KCNIP4: variants seen among roughly 807,000 people sequenced by gnomAD.
The protein encoded by KCNIP4 is potassium voltage-gated channel interacting protein 4.
Under a neutral mutation model 34.0 loss-of-function variants are expected in KCNIP4, and 12 were observed. That is an observed-to-expected ratio of 0.35 (90% CI 0.23 to 0.57). The LOEUF (loss-of-function observed/expected upper bound fraction) is 0.57. KCNIP4 is among the 20% of genes least tolerant of loss of function. The pLI is 0.83. For synonymous variants in KCNIP4, 124 were observed against 102.2 expected (o/e 1.21, Z -1.29); for missense variants, 238 against 311.7 (o/e 0.76, Z 1.78).
chr4:21,484,221 G>T (rs1731710167), intron 1 of KCNIP4, among the ~76,000 whole-genome samples: 1 of 152,098 alleles, frequency 6.6e-6, no homozygotes, highest in Non-Finnish European at 1.5e-5. Context: ...GAGGTCAGGA[G>T]TTCAAGACCA....
intron 1 of KCNIP4, among the ~76,000 whole-genome samples, chr4:21,388,342 G>A (rs1170027475): frequency 6.6e-6 from 1 of 151,496 alleles, no homozygotes; most frequent in Non-Finnish European, 1.5e-5. Context: ...CTCTGAATCT[G>A]AATTTTCTAG....
intron 1 of KCNIP4, among the ~76,000 whole-genome samples, chr4:21,490,456 A>G (rs1732293341): frequency 6.6e-6 from 1 of 152,156 alleles, no homozygotes; most frequent in Non-Finnish European, 1.5e-5. Flanking sequence ...CTCTCTTAAC[A>G]AGAGACTTCT....
intron 1 of KCNIP4, among the ~76,000 whole-genome samples, chr4:21,081,784 T>C (rs1203759023): frequency 1.3e-5 from 2 of 151,836 alleles, no homozygotes; most frequent in African/African-American, 2.4e-5. Context: ...ATGAATTCTA[T>C]TGAATAGCTC....
chr4:21,054,759 A>G (rs143654432), intron 1 of KCNIP4, among the ~76,000 whole-genome samples: 4 of 151,874 alleles, frequency 2.6e-5, no homozygotes, highest in African/African-American at 7.2e-5. Context: ...CTCTTCACAA[A>G]ATTAACTAAA....
In KCNIP4 at chr4:21,536,921, A is replaced by AAAG. The variant is rs1737223868; in HGVS notation, c.61+411647_61+411649dup. ...TTGGATCTTGAGCCCTGTTTCTTTCAAAGCCAAAATCTATATTTTATTCTA... is the reference window on the plus strand; with the variant it reads ...TTGGATCTTGAGCCCTGTTTCTTTCAAAGAAGCCAAAATCTATATTTTATTCTA... On this transcript the variant is annotated intron_variant, in intron 1 of 8. Transcript: ENST00000382152. Among the ~76,000 whole-genome samples, 3 of 152,326 alleles carry AAAG rather than the reference A, an allele frequency of 2.0e-5. No homozygotes were observed. In the East Asian group the frequency reaches 5.8e-4, roughly 29 times the overall value.
At chr4:21,594,694 A>C (rs1337027797) in intron 1 of KCNIP4, among the ~76,000 whole-genome samples, 1 of 151,496 alleles carries the variant, frequency 6.6e-6, no homozygotes, top group East Asian at 1.9e-4. Context: ...GCTCAGAGAT[A>C]AAGATAATTT....
chr4:21,115,187 A>C (rs1027687672), intron 1 of KCNIP4, among the ~76,000 whole-genome samples: 5 of 152,116 alleles, frequency 3.3e-5, no homozygotes, highest in Admixed American at 2.6e-4. Context: ...CCCCATGTGC[A>C]TATTAAACTC....
At chr4:20,776,928 C>CA (rs35878274) in intron 3 of KCNIP4, among the ~76,000 whole-genome samples, 8,933 of 151,386 alleles carry the variant, frequency 0.059, 351 homozygotes, top group East Asian at 0.2. Flanking sequence ...AAAACACAGG[C>CA]AAAAAAAATG....
rs146486052 is a variant in KCNIP4, at chr4:21,727,014, T to C, written c.61+221557A>G. Among the ~76,000 whole-genome samples the C allele has an allele frequency of 7.2e-5, 11 of 152,024 alleles. No individual in the cohort carries two copies. The East Asian group carries it at 2.0e-3, about 27-fold the overall frequency. ...TTGGCACTACACAGTGCAAAAATTA[T>C]GGTAATCTGATAACTTATTTCTCAA... On this transcript the variant is annotated intron_variant, in intron 1 of 8. Transcript: ENST00000382152.
At chr4:21,893,377 C>A (rs1342299527) in intron 1 of KCNIP4, among the ~76,000 whole-genome samples, 1 of 152,156 alleles carries the variant, frequency 6.6e-6, no homozygotes, top group Non-Finnish European at 1.5e-5. Flanking sequence ...TTTCTTCTGA[C>A]ATCCTTTTCA....
chr4:21,523,065 C>T (rs1052626839), intron 1 of KCNIP4, among the ~76,000 whole-genome samples: 5 of 152,022 alleles, frequency 3.3e-5, no homozygotes, highest in African/African-American at 9.7e-5. Flanking sequence ...TATTCACCAA[C>T]TGCAGAGAGC....
At chr4:21,683,861 C>T (rs1750598107) in intron 1 of KCNIP4, among the ~76,000 whole-genome samples, 1 of 152,070 alleles carries the variant, frequency 6.6e-6, no homozygotes, top group Non-Finnish European at 1.5e-5. Context: ...ACCTGTGGTG[C>T]ATACACATTG....
At chr4:20,945,595 G>A (rs1560590585) in intron 1 of KCNIP4, among the ~76,000 whole-genome samples, 1 of 152,210 alleles carries the variant, frequency 6.6e-6, no homozygotes, top group East Asian at 1.9e-4. Flanking sequence ...GTGTGTGAGT[G>A]TGTGTGTGAG....
At chr4:20,837,686 A>ATATATATATATTTTTTT (rs1350419753) in intron 3 of KCNIP4, among the ~76,000 whole-genome samples, 1 of 117,400 alleles carries the variant, frequency 8.5e-6, no homozygotes, top group African/African-American at 3.4e-5. Context: ...ATATATATAT[A>ATATATATATATTTTTTT]TTTTTTTTTC....
At chr4:20,863,187 A>G (rs1415191067) in intron 2 of KCNIP4, among the ~76,000 whole-genome samples, 1 of 152,062 alleles carries the variant, frequency 6.6e-6, no homozygotes, top group Non-Finnish European at 1.5e-5. Context: ...GAGCATTTAG[A>G]GGTAGGAGTT....
chr4:20,881,106 C>T (rs1436151213), intron 2 of KCNIP4, among the ~76,000 whole-genome samples: 1 of 152,076 alleles, frequency 6.6e-6, no homozygotes, highest in Non-Finnish European at 1.5e-5. Flanking sequence ...CTCCATCTCC[C>T]AGCACAAGAA....
chr4:21,612,166 A>T (rs768369051), intron 1 of KCNIP4, among the ~76,000 whole-genome samples: 1 of 152,100 alleles, frequency 6.6e-6, no homozygotes, highest in Non-Finnish European at 1.5e-5. Flanking sequence ...TAAAAAAAGG[A>T]GGTTTTTCTG....
chr4:21,403,432 C>T (rs1407562737), intron 1 of KCNIP4, among the ~76,000 whole-genome samples: 1 of 152,182 alleles, frequency 6.6e-6, no homozygotes, highest in Non-Finnish European at 1.5e-5. Flanking sequence ...GTTTTGCCAC[C>T]TACAGTCTAG....
At chr4:21,935,675 C>A (rs1276054956) in intron 1 of KCNIP4, among the ~76,000 whole-genome samples, 2 of 152,020 alleles carry the variant, frequency 1.3e-5, no homozygotes, top group Non-Finnish European at 2.9e-5. Flanking sequence ...CCTCCACGAC[C>A]CCCACATATT....
Sources: gnomAD v4.1 joint callset for allele counts (sites outside exome capture counted in the v4.1 genomes callset) on GRCh38, gnomAD v4.1.1 for gene constraint, MANE v1.5 for transcripts, NCBI Gene and HGNC (gene_info 2026-07-23, HGNC 2026-07-21) for gene names.